The following RABGEF1 variants were observed in gnomAD, a reference collection of about 807,000 sequenced individuals.
RABGEF1 encodes the protein RAB guanine nucleotide exchange factor 1, also known as rab5 GDP/GTP exchange factor.
In RABGEF1, 26 loss-of-function variants were observed where a neutral mutation model predicts 57.3. The ratio of observed to expected loss-of-function variants is 0.45; its 90% confidence interval spans 0.33 to 0.63. The LOEUF is 0.63. Among genes scored for constraint, RABGEF1 ranks in the 20% least tolerant of loss-of-function variants. RABGEF1 has a pLI of 0.02. For synonymous variants in RABGEF1, 185 were observed against 210.7 expected, an observed-to-expected ratio of 0.88 and a Z score of 1.06; for missense variants, 464 against 607.6, an observed-to-expected ratio of 0.76 and a Z score of 2.48.
Position 66,775,392 on chromosome 7 carries a change from G to A in RABGEF1, c.345G>A (p.Lys115=). 1 of 1,613,734 alleles carries A rather than the reference G, an allele frequency of 6.2e-7. No individual in the cohort carries two copies. Among genetic ancestry groups the A allele is most frequent in the Non-Finnish European group, 8.5e-7 (1 of 1,179,740 alleles). The change falls in exon 3 of 9, where the codon AAG becomes AAA. Residue 115 remains lysine, a splice_region_variant and synonymous_variant. Coordinates refer to ENST00000284957, the MANE Select transcript of RABGEF1 (RefSeq NM_014504.3). ...CATCTTCCAGGGTCGGATCAAAGAAGGGTAATGTTCTGATACTCTTTTTTT... is the reference window on the plus strand; with the variant it reads ...CATCTTCCAGGGTCGGATCAAAGAAAGGTAATGTTCTGATACTCTTTTTTT... The part of the protein sequence containing the change: ...FSASSRVGSK[K]EIQEAKAPSP...
chr7:66,796,869 G>T (rs1786066000), intron 5 of RABGEF1: 1 of 443,332 alleles, frequency 2.3e-6, no homozygotes, highest in Non-Finnish European at 4.5e-6. Flanking sequence ...GGGAATACAG[G>T]AGTAGAGCCA....
intron 1 of RABGEF1, among the ~76,000 whole-genome samples, chr7:66,760,089 C>A (rs966722819): frequency 6.6e-6 from 1 of 152,206 alleles, no homozygotes; most frequent in Admixed American, 6.5e-5. Context: ...GCCAGTCTAA[C>A]CCAGCTGACC....
intron 1 of RABGEF1, among the ~76,000 whole-genome samples, chr7:66,752,917 T>G (rs1250106058): frequency 2.6e-5 from 4 of 152,218 alleles, no homozygotes; most frequent in South Asian, 4.1e-4. Context: ...TGCAGGTACT[T>G]TGCCAGTCTT....
chr7:66,717,025 C>T (rs547006435), intron 2 of RABGEF1, among the ~76,000 whole-genome samples: 33 of 152,282 alleles, frequency 2.2e-4, no homozygotes, highest in African/African-American at 4.3e-4. Flanking sequence ...GTGATCCGCC[C>T]GCCTCAGCCT....
intron 7 of RABGEF1, among the ~76,000 whole-genome samples, chr7:66,804,302 T>G (rs1427911020): frequency 6.6e-6 from 1 of 152,174 alleles, no homozygotes; most frequent in Non-Finnish European, 1.5e-5. Flanking sequence ...TAGCCACATT[T>G]CTAAAAAGCA....
chr7:66,730,778 G>A (rs531582383), intron 2 of RABGEF1, among the ~76,000 whole-genome samples: 3 of 152,132 alleles, frequency 2.0e-5, no homozygotes, highest in African/African-American at 4.8e-5. Flanking sequence ...GGCTGGCCTC[G>A]AACTCCTGAC....
At chr7:66,770,536 T>G (rs1418708019) in intron 1 of RABGEF1, 5 of 152,204 alleles carry the variant, frequency 3.3e-5, no homozygotes, top group African/African-American at 1.2e-4. Context: ...CAGGCTGGAG[T>G]GCAGTGGTGT....
chr7:66,721,615 A>G (rs556595249), intron 2 of RABGEF1, among the ~76,000 whole-genome samples: 24 of 152,084 alleles, frequency 1.6e-4, no homozygotes, highest in African/African-American at 5.3e-4. Flanking sequence ...CTCCCCCCTT[A>G]TGAGAAACTT....
In RABGEF1 at chr7:66,805,298, A is replaced by C; in HGVS notation, c.979A>C (p.Asn327His). Reference sequence around the variant, plus strand: ...CCTCATCTACATTGTTTTGAAGGGCAACCCCCCACGCCTTCAGTCTAATAT... The same window carrying C: ...CCTCATCTACATTGTTTTGAAGGGCCACCCCCCACGCCTTCAGTCTAATAT... ...PTLIYIVLKGNPPRLQSNIQY... is the reference protein window; with the variant it reads ...PTLIYIVLKGHPPRLQSNIQY... The change falls in exon 8 of 9, where the codon AAC (asparagine) becomes CAC (histidine). Residue 327 changes from asparagine to histidine, a missense_variant. Physicochemically the swap from Asn to His is moderately conservative, Grantham distance 68. This residue lies in a region of RABGEF1 where 284 missense variants were observed against 389.9 expected (regional missense o/e 0.73). Transcript: ENST00000284957. The C allele has an allele frequency of 6.2e-7, 1 of 1,614,174 alleles. No homozygotes were observed. Among genetic ancestry groups the C allele is most frequent in the East Asian group, 2.2e-5 (1 of 44,880 alleles).
chr7:66,789,133 A>G (rs185331662), intron 4 of RABGEF1, among the ~76,000 whole-genome samples: 7 of 152,292 alleles, frequency 4.6e-5, no homozygotes, highest in Admixed American at 2.0e-4. Context: ...AAATGACTCT[A>G]TTGTTGTAAA....
chr7:66,657,966 A>G, the RABGEF1 span, among the ~76,000 whole-genome samples: 10 of 152,202 alleles, frequency 6.6e-5, no homozygotes, highest in Non-Finnish European at 1.5e-4. Flanking sequence ...GAAATAAATA[A>G]AGGAAATTAA....
At chr7:66,659,464 A>AT in the RABGEF1 span, among the ~76,000 whole-genome samples, 1 of 150,178 alleles carries the variant, frequency 6.7e-6, no homozygotes. Context: ...AAAAAAAAAA[A>AT]GAAAAAAGAA....
At chr7:66,775,005 C>G (rs1442216057) in intron 2 of RABGEF1, among the ~76,000 whole-genome samples, 1 of 152,254 alleles carries the variant, frequency 6.6e-6, no homozygotes, top group East Asian at 1.9e-4. Context: ...TCATGTAACC[C>G]TAGAGCAGTA....
upstream of RABGEF1, among the ~76,000 whole-genome samples, chr7:66,678,353 C>G (rs1479303785): frequency 6.6e-6 from 1 of 151,834 alleles, no homozygotes; most frequent in Non-Finnish European, 1.5e-5. Flanking sequence ...ATCACGAGGT[C>G]AGGAGATTGA....
intron 1 of RABGEF1, among the ~76,000 whole-genome samples, chr7:66,688,616 G>A (rs1465249557): frequency 1.3e-5 from 2 of 152,160 alleles, no homozygotes; most frequent in African/African-American, 2.4e-5. Flanking sequence ...AGCAAAACTC[G>A]AAAACTCACA....
chr7:66,797,027 T>TTC (rs1423574324), intron 5 of RABGEF1: 1 of 370,660 alleles, frequency 2.7e-6, no homozygotes, highest in African/African-American at 2.2e-5. Context: ...TGGCCGGGCA[T>TTC]TCTGGCTCAC....
chr7:66,689,719 T>C (rs565038122), intron 1 of RABGEF1, among the ~76,000 whole-genome samples: 12 of 151,910 alleles, frequency 7.9e-5, no homozygotes, highest in Non-Finnish European at 1.2e-4. Flanking sequence ...GGAGAATCAC[T>C]TGAACCCGGG....
At chr7:66,703,290 T>C (rs1013724692) in intron 1 of RABGEF1, among the ~76,000 whole-genome samples, 1 of 152,186 alleles carries the variant, frequency 6.6e-6, no homozygotes, top group Non-Finnish European at 1.5e-5. Flanking sequence ...AGTTTTTTAT[T>C]TGGATGAAGT....
intron 2 of RABGEF1, among the ~76,000 whole-genome samples, chr7:66,719,914 C>G (rs771209308): frequency 4.6e-5 from 7 of 152,096 alleles, no homozygotes; most frequent in Non-Finnish European, 1.0e-4. Context: ...TTGCTGGTCC[C>G]TGATGTGGAC....
Sources: allele counts gnomAD v4.1 joint callset (sites outside exome capture counted in the v4.1 genomes callset), GRCh38; gene constraint gnomAD v4.1.1; regional missense constraint gnomAD v4.1.1; transcripts MANE v1.5; gene names NCBI Gene and HGNC (gene_info 2026-07-23, HGNC 2026-07-21).